The following ADGRA2 variants were observed in gnomAD, a reference collection of about 807,000 sequenced individuals.
ADGRA2 encodes the protein adhesion G protein-coupled receptor A2, also known as G-protein coupled receptor 124.
A neutral mutation model predicts 98.7 loss-of-function variants in ADGRA2; 61 were observed. The observed-to-expected ratio is 0.62, with a 90% CI of 0.50 to 0.76. The LOEUF (loss-of-function observed/expected upper bound fraction) is 0.76. Among genes scored for constraint, ADGRA2 ranks in the 30% least tolerant of loss-of-function variants. The pLI is 0.00. For missense variants in ADGRA2, 1,712 were observed against 1,860.0 expected (o/e 0.92, Z 1.46); for synonymous variants, 858 against 831.5 (o/e 1.03, Z -0.55).
chr8:37,812,846 T>TTTTA (rs1200726559), intron 1 of ADGRA2, among the ~76,000 whole-genome samples: 8 of 147,628 alleles, frequency 5.4e-5, no homozygotes, highest in East Asian at 2.2e-4. Context: ...AATTTTTTAT[T>TTTTA]TTTATTTATT....
chr8:37,821,378 G>C (rs1234563672), intron 2 of ADGRA2, among the ~76,000 whole-genome samples: 1 of 152,204 alleles, frequency 6.6e-6, no homozygotes, highest in Admixed American at 6.5e-5. Context: ...CCAGTTGCTA[G>C]ATGTTACCCT....
intron 1 of ADGRA2, among the ~76,000 whole-genome samples, chr8:37,813,395 T>A (rs1042430762): frequency 6.6e-6 from 1 of 152,198 alleles, no homozygotes; most frequent in Non-Finnish European, 1.5e-5. Flanking sequence ...AAAACTATCC[T>A]AACTCATAAA....
At chr8:37,816,245 G>A (rs1300280595) in intron 2 of ADGRA2, among the ~76,000 whole-genome samples, 1 of 151,876 alleles carries the variant, frequency 6.6e-6, no homozygotes, top group Non-Finnish European at 1.5e-5. Flanking sequence ...AGCTATGATT[G>A]TGCCACTGCA....
At position 37,803,101 on chromosome 8, in the gene ADGRA2, T is replaced by C. The variant is rs539576780; in HGVS notation, c.266+5567T>C. Among the ~76,000 whole-genome samples the C allele has an allele frequency of 1.8e-3, 272 of 152,296 alleles. 1 individual carries two copies. The highest frequency in any genetic ancestry group is 5.9e-3 in the African/African-American group (244 of 41,548). On this transcript the variant is annotated intron_variant, in intron 1 of 18. Coordinates refer to ENST00000412232, the MANE Select transcript of ADGRA2 (RefSeq NM_032777.10). ...AAAGGCACAGGCAAACCAGTGTAAT[T>C]TGAACCTAACCATAAATTGACCCTT...
At chr8:37,810,285 C>T (rs1464902488) in intron 1 of ADGRA2, among the ~76,000 whole-genome samples, 11 of 151,112 alleles carry the variant, frequency 7.3e-5, no homozygotes, top group African/African-American at 1.9e-4. Flanking sequence ...ATGAGGCGGG[C>T]GGATCATGAG....
At position 37,836,097 on chromosome 8, in the gene ADGRA2, A is replaced by ACACCCC. The variant is rs1245868623; in HGVS notation, c.2050+328_2050+329insACCCCC. Among the ~76,000 whole-genome samples, 308 of 108,742 alleles carry ACACCCC rather than the reference A, an allele frequency of 2.8e-3. 4 individuals carry two copies. Among genetic ancestry groups the ACACCCC allele is most frequent in the African/African-American group, 0.011 (295 of 27,136 alleles). 71.3% of individuals were successfully genotyped at this position (108,742 alleles called of 152,430 possible). ...CACACACACACACACACACACACAC[A>ACACCCC]CCCCACAGGCCCAATGCAGACAAGT... is the stretch of plus-strand genomic sequence containing the variant. On this transcript the variant is annotated intron_variant, in intron 13 of 18. Transcript: ENST00000412232.
At position 37,838,330 on chromosome 8, in the gene ADGRA2, C is replaced by T. The variant is rs79571095; in HGVS notation, c.2259+391C>T. Among the ~76,000 whole-genome samples, 9 of 150,340 alleles carry T rather than the reference C, an allele frequency of 6.0e-5. No individual in the cohort carries two copies. In the East Asian group the frequency reaches 1.6e-3, roughly 26 times the overall value. On this transcript the variant is annotated intron_variant, in intron 14 of 18. Coordinates refer to ENST00000412232, the MANE Select transcript of ADGRA2 (RefSeq NM_032777.10). ...GCAGTGGCATGATCTCGGCTCACTG[C>T]AACCTCCGCCTCCTAGGTCCAAGTG...
intron 2 of ADGRA2, among the ~76,000 whole-genome samples, chr8:37,827,009 CCCCACCCTTGCCTGCTCCAGGGGTCCA>C (rs1328873626): frequency 1.2e-4 from 19 of 152,296 alleles, no homozygotes; most frequent in African/African-American, 4.6e-4. Flanking sequence ...GACAGGGGGC[CCCCACCCTTGCCTGCTCCAGGGGTCCA>C]CCCACCCTTG....
intron 1 of ADGRA2, among the ~76,000 whole-genome samples, chr8:37,811,279 C>G (rs189443540): frequency 6.8e-6 from 1 of 147,102 alleles, no homozygotes; most frequent in East Asian, 2.1e-4. Flanking sequence ...AAGAGATTCT[C>G]CTGCCTCAGC....
intron 1 of ADGRA2, among the ~76,000 whole-genome samples, chr8:37,813,558 C>T (rs1462149736): frequency 6.6e-6 from 1 of 152,136 alleles, no homozygotes; most frequent in Admixed American, 6.5e-5. Flanking sequence ...CCAACCTACC[C>T]CCCTACCCAT....
rs1011316344 is a variant in ADGRA2 at position 37,814,660 on chromosome 8, C to T, written c.267-236C>T. ...CCACCTCCCACCTGCACACAGAGCCCCACGTCAGAGCCAGGCTTGGAGGAG... is the reference window on the plus strand; with the variant it reads ...CCACCTCCCACCTGCACACAGAGCCTCACGTCAGAGCCAGGCTTGGAGGAG... On this transcript the variant is annotated intron_variant, in intron 1 of 18. Coordinates refer to ENST00000412232, the MANE Select transcript of ADGRA2 (RefSeq NM_032777.10). The surrounding 1 kb of genome is among the most constrained non-coding windows in gnomAD (Gnocchi z 4.3). Among the ~76,000 whole-genome samples the T allele has an allele frequency of 6.6e-6, 1 of 152,204 alleles. No homozygotes were observed. The highest frequency in any genetic ancestry group is 6.5e-5 in the Admixed American group (1 of 15,278).
At chr8:37,840,029 T>C in intron 16 of ADGRA2, 92 bp from the exon 17 acceptor site, 2 of 1,246,316 alleles carry the variant, frequency 1.6e-6, no homozygotes, top group Non-Finnish European at 2.2e-6. Context: ...GGCCGGAGGC[T>C]GGAAGCCTGG....
intron 2 of ADGRA2, among the ~76,000 whole-genome samples, chr8:37,827,979 ATT>A (rs58598759): frequency 1.3e-5 from 2 of 150,432 alleles, no homozygotes; most frequent in African/African-American, 4.9e-5. Flanking sequence ...ACCAAAAAAA[ATT>A]TTTTTTTTTA....
At chr8:37,825,056 T>C (rs1447250499) in intron 2 of ADGRA2, among the ~76,000 whole-genome samples, 1 of 152,104 alleles carries the variant, frequency 6.6e-6, no homozygotes, top group Non-Finnish European at 1.5e-5. Flanking sequence ...TTGACAGAGA[T>C]ACAGGGAGGG....
chr8:37,807,165 T>G (rs1400632348), intron 1 of ADGRA2, among the ~76,000 whole-genome samples: 1 of 152,190 alleles, frequency 6.6e-6, no homozygotes, highest in Non-Finnish European at 1.5e-5. Context: ...AGGGCTGACC[T>G]GACAAGCGTC....
In ADGRA2 at chr8:37,840,834, G is replaced by A. The variant is rs751849563; in HGVS notation, c.2732G>A (p.Arg911Gln). 4.4e-6 allele frequency: 7 copies of A among 1,601,170 alleles called. No individual in the cohort carries two copies. Among genetic ancestry groups the A allele is most frequent in the Admixed American group, 1.7e-5 (1 of 59,926 alleles). Residue 911 changes from arginine to glutamine, a missense_variant, in exon 18 of 19, where the codon CGG (arginine) becomes CAG (glutamine). Transcript: ENST00000412232. ...GCTGCAGTCAACATCCACAACTACC[G>A]GGACCACAGCCCCTAGTGAGCACCC... is the stretch of plus-strand genomic sequence containing the variant. Reference protein sequence around the residue: ...ITAAVNIHNYRDHSPYCWLVW... With the variant: ...ITAAVNIHNYQDHSPYCWLVW...
At chr8:37,840,916 A>G in intron 18 of ADGRA2, 67 bp downstream of exon 18, 2 of 893,866 alleles carry the variant, frequency 2.2e-6, no homozygotes, top group Non-Finnish European at 3.3e-6. Flanking sequence ...CTCCACTGGC[A>G]GGGCCATCTG....
Position 37,797,663 on chromosome 8 carries a change from T to A in ADGRA2, c.266+129T>A. On this transcript the variant is annotated intron_variant, in intron 1 of 18. Transcript: ENST00000412232. This position sits in a 1 kb window ranked among gnomAD's most constrained non-coding sequence, Gnocchi z 5.3. ...CAGAGATTTCTGGACAGGCCTGGGT[T>A]CAGGCCCCCAGAGGGGAAGATTGGA... 1.1e-6 allele frequency: 1 copy of A among 928,112 alleles called. No homozygotes were observed. Among genetic ancestry groups the A allele is most frequent in the East Asian group, 3.3e-5 (1 of 30,182 alleles). The allele number at this position is 928,112 out of a possible 1,614,324, so 57.5% of individuals were successfully genotyped here.
intron 1 of ADGRA2, among the ~76,000 whole-genome samples, chr8:37,807,204 C>T (rs1246929009): frequency 6.6e-6 from 1 of 152,204 alleles, no homozygotes; most frequent in Non-Finnish European, 1.5e-5. Context: ...CAGGGAAGTG[C>T]AGGAGCGGGC....
Sources: gnomAD v4.1 joint callset for allele counts (sites outside exome capture counted in the v4.1 genomes callset) on GRCh38, gnomAD v4.1.1 for gene constraint, Gnocchi (gnomAD v3.1) non-coding constraint, MANE v1.5 for transcripts, NCBI Gene and HGNC (gene_info 2026-07-23, HGNC 2026-07-21) for gene names.